Variants in RAB27B observed in about 807,000 individuals in gnomAD.
The protein encoded by RAB27B is ras-related protein Rab-27B.
A neutral mutation model predicts 24.6 loss-of-function variants in RAB27B; 15 were observed. The observed-to-expected ratio is 0.61, with a 90% confidence interval of 0.41 to 0.94. The LOEUF (loss-of-function observed/expected upper bound fraction) is 0.94, where lower values mean the gene tolerates loss of function less well. Ranked by LOEUF, RAB27B falls within the 40% of genes least tolerant of loss-of-function variation. The pLI is 0.00. For synonymous variants in RAB27B, 105 were observed against 92.5 expected, an observed-to-expected ratio of 1.14 and a Z score of -0.78; for missense variants, 261 against 266.8, an observed-to-expected ratio of 0.98 and a Z score of 0.15.
At chr18:54,782,918 A>G (rs903803190) in intron 2 of RAB27B, among the ~76,000 whole-genome samples, 1 of 152,070 alleles carries the variant, frequency 6.6e-6, no homozygotes, top group Admixed American at 6.6e-5. Context: ...TGGGGTCATT[A>G]TGGATTTCTT....
chr18:54,873,229 C>T (rs1047531351), intron 1 of RAB27B, among the ~76,000 whole-genome samples: 2 of 152,180 alleles, frequency 1.3e-5, no homozygotes, highest in African/African-American at 2.4e-5. Context: ...TTTACCTTTA[C>T]GACTCTTCAT....
rs1913496157 is a variant in RAB27B, at chr18:54,894,585, G to C, written c.*5172G>C. ...AACACCTAGTGTTGTAGAAAGGAAAGTGGCCAGAAAGAACAACTTGGGACC... is the reference window on the plus strand; with the variant it reads ...AACACCTAGTGTTGTAGAAAGGAAACTGGCCAGAAAGAACAACTTGGGACC... On this transcript the variant is annotated 3_prime_UTR_variant, in exon 6 of 6. Coordinates refer to ENST00000262094, the MANE Select transcript of RAB27B (RefSeq NM_004163.4). 6.6e-6 allele frequency: 1 copy of C among 152,054 alleles called. No individual in the cohort carries two copies. Among genetic ancestry groups the C allele is most frequent in the Non-Finnish European group, 1.5e-5 (1 of 67,964 alleles). The allele number at this position is 152,054 out of a possible 1,614,324, so 9.4% of individuals were successfully genotyped here. A position where few individuals can be genotyped will look rare whatever the true frequency, so the allele number is the denominator to read the frequency against.
intron 2 of RAB27B, among the ~76,000 whole-genome samples, chr18:54,730,284 T>A: frequency 6.6e-6 from 1 of 152,102 alleles, no homozygotes. Context: ...TATGTTCAAG[T>A]GTATTTGGAA....
intron 1 of RAB27B, among the ~76,000 whole-genome samples, chr18:54,831,763 G>A (rs1568085495): frequency 6.6e-6 from 1 of 151,452 alleles, no homozygotes; most frequent in Non-Finnish European, 1.5e-5. Context: ...AAGCCTCAGG[G>A]GAGGTGATTT....
intron 2 of RAB27B, among the ~76,000 whole-genome samples, chr18:54,821,267 G>C (rs1267135392): frequency 6.6e-6 from 1 of 152,120 alleles, no homozygotes; most frequent in Admixed American, 6.5e-5. Flanking sequence ...GCCAAATCAT[G>C]AGTGAACTCC....
intron 2 of RAB27B, among the ~76,000 whole-genome samples, chr18:54,776,531 A>C (rs1277526216): frequency 1.3e-5 from 2 of 152,220 alleles, no homozygotes; most frequent in African/African-American, 4.8e-5. Context: ...CAAAACCAGC[A>C]GTGCGTAAAA....
chr18:54,764,093 T>C lies in RAB27B; in HGVS notation c.-20+45952T>C, dbSNP rs117102984. 5.3e-5 allele frequency among the ~76,000 whole-genome samples: 8 copies of C among 152,286 alleles called. No individual in the cohort carries two copies. The East Asian group carries it at 1.5e-3, about 29-fold the overall frequency. The stretch of plus-strand genomic sequence containing the variant: ...TATATACTTATGAAGCAGTAGTTAT[T>C]GATTTTTATTTACTGCAGCTTGTTT... On this transcript the variant is annotated intron_variant, in intron 2 of 4. Transcript: ENST00000586570.
intron 2 of RAB27B, among the ~76,000 whole-genome samples, chr18:54,776,287 A>G (rs187143540): frequency 3.7e-4 from 56 of 152,362 alleles, no homozygotes; most frequent in African/African-American, 1.3e-3. Flanking sequence ...CCAACTACCA[A>G]GTAAACCAAA....
chr18:54,812,471 C>T (rs774097559), intron 2 of RAB27B, among the ~76,000 whole-genome samples: 5 of 150,902 alleles, frequency 3.3e-5, no homozygotes, highest in African/African-American at 4.9e-5. Flanking sequence ...ACTTTGGAAA[C>T]CTTAATGTGT....
At chr18:54,808,601 A>G (rs568481485) in intron 2 of RAB27B, among the ~76,000 whole-genome samples, 1 of 152,364 alleles carries the variant, frequency 6.6e-6, no homozygotes, top group African/African-American at 2.4e-5. Context: ...CCATGTGAGT[A>G]TGCTAAAAAG....
chr18:54,780,309 C>T (rs781669264), intron 2 of RAB27B, among the ~76,000 whole-genome samples: 1 of 43,910 alleles, frequency 2.3e-5, no homozygotes, highest in African/African-American at 1.0e-4. Context: ...CAGTGTCTCC[C>T]CCAACCTGAA....
At chr18:54,830,947 T>G (rs1389029446) in intron 1 of RAB27B, among the ~76,000 whole-genome samples, 1 of 152,228 alleles carries the variant, frequency 6.6e-6, no homozygotes, top group East Asian at 1.9e-4. Context: ...AGTTGCTTGT[T>G]CATTTGTTCA....
intron 2 of RAB27B, among the ~76,000 whole-genome samples, chr18:54,730,402 C>T (rs552621249): frequency 6.6e-6 from 1 of 152,232 alleles, no homozygotes; most frequent in Admixed American, 6.5e-5. Context: ...TCATCAAGTC[C>T]TCCTCACTTG....
intron 2 of RAB27B, among the ~76,000 whole-genome samples, chr18:54,732,107 C>G (rs2144993283): frequency 6.6e-6 from 1 of 152,250 alleles, no homozygotes; most frequent in Non-Finnish European, 1.5e-5. Context: ...GAAGAAAACT[C>G]TAGGAAAGAT....
At position 54,818,036 on chromosome 18, in the gene RAB27B, A is replaced by G. The variant is rs970723185; in HGVS notation, c.-19-59531A>G. Among the ~76,000 whole-genome samples, 20 of 152,226 alleles carry G rather than the reference A, an allele frequency of 1.3e-4. No homozygotes were observed. In the East Asian group the frequency reaches 1.4e-3, roughly 10 times the overall value. ...GGTTAAGCCACAAATCCTGACTTCA[A>G]TCTTTGAATTTCAGTGGCTTTCTTG... On this transcript the variant is annotated intron_variant, in intron 2 of 4. Transcript: ENST00000586570.
In RAB27B at chr18:54,851,153, A is replaced by C. The variant is rs115456033; in HGVS notation, c.-20+22453A>C. On this transcript the variant is annotated intron_variant, in intron 1 of 5. Coordinates refer to ENST00000262094, the MANE Select transcript of RAB27B (RefSeq NM_004163.4). ...ATCTACACTGAGAAAATCAGACTGT[A>C]ATAGCACCAAATATTTGGGCAAACT... 3.9e-3 allele frequency among the ~76,000 whole-genome samples: 599 copies of C among 152,330 alleles called. 2 individuals carry two copies. Among genetic ancestry groups the C allele is most frequent in the African/African-American group, 0.014 (572 of 41,578 alleles).
At chr18:54,876,286 A>G (rs1912697565) in intron 1 of RAB27B, among the ~76,000 whole-genome samples, 1 of 152,186 alleles carries the variant, frequency 6.6e-6, no homozygotes, top group Non-Finnish European at 1.5e-5. Context: ...GATTATGGGG[A>G]TTACAATTCA....
chr18:54,835,654 C>A (rs1223304138), intron 1 of RAB27B, among the ~76,000 whole-genome samples: 2 of 151,916 alleles, frequency 1.3e-5, no homozygotes, highest in Non-Finnish European at 2.9e-5. Context: ...ATAAATAGGC[C>A]ATCATGTTTG....
intron 2 of RAB27B, among the ~76,000 whole-genome samples, chr18:54,757,282 G>A (rs1479657018): frequency 2.0e-5 from 3 of 152,158 alleles, no homozygotes; most frequent in Non-Finnish European, 4.4e-5. Flanking sequence ...AAGAAAGTCA[G>A]GATCAAAATG....
Sources: allele counts gnomAD v4.1 joint callset (sites outside exome capture counted in the v4.1 genomes callset), GRCh38; gene constraint gnomAD v4.1.1; transcripts MANE v1.5; gene names NCBI Gene and HGNC (gene_info 2026-07-23, HGNC 2026-07-21).